Variants in GUCY1A2 observed in about 807,000 individuals in gnomAD.
GUCY1A2 encodes guanylate cyclase soluble subunit alpha-2.
A neutral mutation model predicts 63.5 loss-of-function variants in GUCY1A2; 27 were observed. The observed-to-expected ratio is 0.43, with a 90% confidence interval of 0.31 to 0.59. GUCY1A2 has a LOEUF of 0.59. GUCY1A2 is among the 20% of genes least tolerant of loss of function. The pLI, the probability that GUCY1A2 is intolerant of heterozygous loss-of-function variation, is 0.11. For synonymous variants in GUCY1A2, 364 were observed against 343.5 expected, an observed-to-expected ratio of 1.06 and a Z score of -0.66; for missense variants, 768 against 913.3, an observed-to-expected ratio of 0.84 and a Z score of 2.05.
chr11:106,714,283 C>A (rs1027888281), intron 6 of GUCY1A2, among the ~76,000 whole-genome samples: 1 of 151,848 alleles, frequency 6.6e-6, no homozygotes, highest in African/African-American at 2.4e-5. Context: ...AGAGTATCAA[C>A]AACCACATAA....
chr11:106,935,721 C>T (rs532265147), intron 4 of GUCY1A2, among the ~76,000 whole-genome samples: 4 of 151,780 alleles, frequency 2.6e-5, no homozygotes, highest in Admixed American at 2.0e-4. Flanking sequence ...GTAGTGCACA[C>T]CTGTAGTCCC....
At chr11:106,933,139 T>C (rs1860626705) in intron 4 of GUCY1A2, among the ~76,000 whole-genome samples, 2 of 151,930 alleles carry the variant, frequency 1.3e-5, no homozygotes, top group African/African-American at 2.4e-5. Context: ...CTAAAGAGCT[T>C]CTGAAAAGCA....
At chr11:106,806,646 C>T (rs904667966) in intron 5 of GUCY1A2, among the ~76,000 whole-genome samples, 4 of 152,104 alleles carry the variant, frequency 2.6e-5, no homozygotes, top group African/African-American at 9.7e-5. Context: ...TGAAAATTTG[C>T]CTTTCTAATT....
chr11:106,793,842 T>C (rs1331990466), intron 5 of GUCY1A2, among the ~76,000 whole-genome samples: 1 of 152,102 alleles, frequency 6.6e-6, no homozygotes, highest in Non-Finnish European at 1.5e-5. Context: ...ATCAAAAGTC[T>C]GAGATAACAA....
At chr11:106,729,900 T>C (rs974731463) in intron 6 of GUCY1A2, among the ~76,000 whole-genome samples, 7 of 151,594 alleles carry the variant, frequency 4.6e-5, no homozygotes, top group Non-Finnish European at 8.8e-5. Context: ...TGTGTCTATG[T>C]ACATTTCTAA....
chr11:106,872,842 C>A (rs1403120854), intron 4 of GUCY1A2, among the ~76,000 whole-genome samples: 1 of 152,064 alleles, frequency 6.6e-6, no homozygotes, highest in Non-Finnish European at 1.5e-5. Context: ...GCAGAACGTG[C>A]AGATTTGTTA....
At chr11:106,728,343 C>A (rs1387626373) in intron 6 of GUCY1A2, among the ~76,000 whole-genome samples, 1 of 152,180 alleles carries the variant, frequency 6.6e-6, no homozygotes, top group Admixed American at 6.5e-5. Context: ...ATCCTCTCTG[C>A]TATCCCAGTT....
rs1565302581 is a variant in GUCY1A2 at position 106,827,647 on chromosome 11, C to A, written c.1207-17169G>T. 5 of 1,534,732 alleles carry A rather than the reference C, an allele frequency of 3.3e-6. No homozygotes were observed. The East Asian group carries it at 1.1e-4, about 35-fold the overall frequency. On this transcript the variant is annotated intron_variant, in intron 4 of 7. Coordinates refer to ENST00000526355, the MANE Select transcript of GUCY1A2 (RefSeq NM_000855.3). ...AGTTGCTTTACGCCAGATTCTATAA[C>A]CTTGATGTTGGGAAAGCGTTTTTCT...
At chr11:107,005,916 CTT>C in intron 1 of GUCY1A2, among the ~76,000 whole-genome samples, 1 of 152,138 alleles carries the variant, frequency 6.6e-6, no homozygotes, top group Admixed American at 6.5e-5. Flanking sequence ...TATCTAGAGA[CTT>C]TGCCAAAGAT....
chr11:106,734,574 A>C (rs926812462), intron 6 of GUCY1A2, among the ~76,000 whole-genome samples: 1 of 152,144 alleles, frequency 6.6e-6, no homozygotes, highest in African/African-American at 2.4e-5. Context: ...AAAATATTTG[A>C]CTGATTTAGA....
At chr11:106,958,219 T>C (rs1372084829) in intron 3 of GUCY1A2, among the ~76,000 whole-genome samples, 2 of 152,168 alleles carry the variant, frequency 1.3e-5, no homozygotes, top group African/African-American at 2.4e-5. Flanking sequence ...CATTGATTCA[T>C]GAAGCCATCA....
chr11:106,700,075 CTCT>C (rs1862793046), intron 7 of GUCY1A2, among the ~76,000 whole-genome samples: 1 of 152,160 alleles, frequency 6.6e-6, no homozygotes, highest in Admixed American at 6.6e-5. Flanking sequence ...TCCAGACATA[CTCT>C]TCATTTCATA....
intron 4 of GUCY1A2, among the ~76,000 whole-genome samples, chr11:106,865,770 G>A (rs965014765): frequency 2.6e-5 from 4 of 151,618 alleles, no homozygotes; most frequent in Non-Finnish European, 4.4e-5. Flanking sequence ...TGCATATTGT[G>A]CATATGCATC....
chr11:106,799,598 C>G (rs567020813), intron 5 of GUCY1A2, among the ~76,000 whole-genome samples: 53 of 152,270 alleles, frequency 3.5e-4, no homozygotes, highest in African/African-American at 1.2e-3. Flanking sequence ...ACATCTACAA[C>G]TATCTGATCT....
chr11:106,809,662 C>A (rs1273125647), intron 5 of GUCY1A2, among the ~76,000 whole-genome samples: 2 of 151,896 alleles, frequency 1.3e-5, no homozygotes, highest in African/African-American at 2.4e-5. Context: ...TATTGGAACC[C>A]CATTTTCTAA....
chr11:106,739,959 C>A (rs912846859), intron 6 of GUCY1A2, among the ~76,000 whole-genome samples: 1 of 151,572 alleles, frequency 6.6e-6, no homozygotes. Context: ...TTCTAGTCTG[C>A]CGTAAGTACC....
At chr11:106,849,582 T>C (rs17106116) in intron 4 of GUCY1A2, among the ~76,000 whole-genome samples, 5,759 of 151,628 alleles carry the variant, frequency 0.038, 576 homozygotes, top group East Asian at 0.25. Context: ...CAAAATGTGA[T>C]TTGAGCCCTC....
At chr11:106,795,783 T>C (rs1304128858) in intron 5 of GUCY1A2, among the ~76,000 whole-genome samples, 1 of 152,160 alleles carries the variant, frequency 6.6e-6, no homozygotes, top group Non-Finnish European at 1.5e-5. Flanking sequence ...ATTTAAAACT[T>C]ATTAATAGGG....
chr11:106,730,913 T>G (rs2220376), intron 6 of GUCY1A2, among the ~76,000 whole-genome samples: 82,804 of 151,934 alleles, frequency 0.55, 24,130 homozygotes, highest in East Asian at 0.73. Context: ...TGTGTATGTC[T>G]TCTTTTGAAA....
Sources: gnomAD v4.1 joint callset for allele counts (sites outside exome capture counted in the v4.1 genomes callset) on GRCh38, gnomAD v4.1.1 for gene constraint, MANE v1.5 for transcripts, NCBI Gene and HGNC (gene_info 2026-07-23, HGNC 2026-07-21) for gene names.